The following THSD7B variants were observed in gnomAD, a reference collection of about 807,000 sequenced individuals.
THSD7B encodes the protein thrombospondin type 1 domain containing 7B.
A neutral mutation model predicts 213.6 loss-of-function variants in THSD7B; 138 were observed. That is an observed-to-expected ratio of 0.65 (90% CI 0.56 to 0.74). The LOEUF (loss-of-function observed/expected upper bound fraction) is 0.74. Among genes scored for constraint, THSD7B ranks in the 30% least tolerant of loss-of-function variants. The pLI is 0.00. For synonymous variants in THSD7B, 742 were observed against 687.0 expected, an observed-to-expected ratio of 1.08 and a Z score of -1.25; for missense variants, 1,931 against 1,991.5, an observed-to-expected ratio of 0.97 and a Z score of 0.58.
At chr2:136,811,937 T>A (rs933470327) in intron 1 of THSD7B, among the ~76,000 whole-genome samples, 1 of 152,174 alleles carries the variant, frequency 6.6e-6, no homozygotes, top group Non-Finnish European at 1.5e-5. Context: ...CAGTAGGTAT[T>A]GGATTTTGGG....
chr2:136,923,088 T>C (rs1366851613), intron 2 of THSD7B, among the ~76,000 whole-genome samples: 1 of 152,202 alleles, frequency 6.6e-6, no homozygotes, highest in Non-Finnish European at 1.5e-5. Context: ...TGAAATATTA[T>C]ACCCGTTAAA....
intron 9 of THSD7B, among the ~76,000 whole-genome samples, chr2:137,240,043 G>C (rs1395111039): frequency 2.0e-5 from 3 of 152,142 alleles, no homozygotes; most frequent in African/African-American, 2.4e-5. Context: ...TCTCCTAAAG[G>C]CTCCACCATC....
intron 12 of THSD7B, among the ~76,000 whole-genome samples, chr2:137,375,902 C>G (rs1039983377): frequency 6.6e-6 from 1 of 152,102 alleles, no homozygotes; most frequent in Admixed American, 6.6e-5. Flanking sequence ...TGATTATGTT[C>G]TCATGCAAAG....
intron 1 of THSD7B, among the ~76,000 whole-genome samples, chr2:136,857,116 T>C (rs1253055103): frequency 1.3e-5 from 2 of 152,236 alleles, no homozygotes; most frequent in Non-Finnish European, 2.9e-5. Context: ...TTACCTTTTA[T>C]AAAAATGATT....
At chr2:136,807,829 G>A (rs751201957) in intron 1 of THSD7B, among the ~76,000 whole-genome samples, 7 of 152,082 alleles carry the variant, frequency 4.6e-5, no homozygotes, top group African/African-American at 7.2e-5. Flanking sequence ...AGCTAATCTT[G>A]TATATTTCCT....
intron 2 of THSD7B, among the ~76,000 whole-genome samples, chr2:137,053,852 C>A (rs1434739224): frequency 1.3e-5 from 2 of 152,044 alleles, no homozygotes; most frequent in African/African-American, 4.8e-5. Flanking sequence ...TAACTTTATC[C>A]AATAACTGTT....
intron 9 of THSD7B, among the ~76,000 whole-genome samples, chr2:137,241,262 A>G (rs561446239): frequency 6.6e-6 from 1 of 152,318 alleles, no homozygotes; most frequent in Admixed American, 6.5e-5. Context: ...ACTTATGGGA[A>G]ACAGAATTTA....
chr2:136,992,548 G>T (rs530009915), intron 2 of THSD7B, among the ~76,000 whole-genome samples: 6 of 152,302 alleles, frequency 3.9e-5, no homozygotes, highest in East Asian at 3.9e-4. Flanking sequence ...AATAAACGGA[G>T]AACTATTAAG....
chr2:137,630,786 G>A (rs543771823), intron 20 of THSD7B, among the ~76,000 whole-genome samples: 19 of 152,296 alleles, frequency 1.2e-4, no homozygotes, highest in African/African-American at 4.1e-4. Flanking sequence ...GTAGCAATAG[G>A]CAGAGACCAC....
intron 1 of THSD7B, among the ~76,000 whole-genome samples, chr2:136,809,483 C>T (rs1216504145): frequency 6.6e-6 from 1 of 152,026 alleles, no homozygotes; most frequent in Non-Finnish European, 1.5e-5. Context: ...ATTTAATGTG[C>T]CATGACATCA....
chr2:137,349,073 A>T (rs1184000147), intron 12 of THSD7B, among the ~76,000 whole-genome samples: 1 of 151,508 alleles, frequency 6.6e-6, no homozygotes, highest in Non-Finnish European at 1.5e-5. Flanking sequence ...ATAAATTGGG[A>T]TAAAGTTAGA....
chr2:136,896,298 G>T (rs560625753), intron 2 of THSD7B, among the ~76,000 whole-genome samples: 1 of 152,144 alleles, frequency 6.6e-6, no homozygotes, highest in East Asian at 1.9e-4. Flanking sequence ...CCTCATTGTG[G>T]TTTTAATTTG....
rs1165170331 is a variant in THSD7B, at chr2:137,546,472, A to AT, written c.3139-16748dup. 2.3e-4 allele frequency among the ~76,000 whole-genome samples: 14 copies of AT among 62,150 alleles called. 1 individual carries two copies. The highest frequency in any genetic ancestry group is 1.2e-3 in the Admixed American group (4 of 3,316). The allele number at this position is 62,150 out of a possible 152,430, so 40.8% of individuals were successfully genotyped here. On this transcript the variant is annotated intron_variant, in intron 15 of 27. Transcript: ENST00000409968. ...TATATATATTATATATAATATATAT[A>AT]TATATAATATATATATATATATATT... is the stretch of plus-strand genomic sequence containing the variant.
chr2:137,022,042 G>A (rs769842483), intron 2 of THSD7B, among the ~76,000 whole-genome samples: 15 of 152,096 alleles, frequency 9.9e-5, no homozygotes, highest in Non-Finnish European at 2.1e-4. Context: ...TTTAATTGCT[G>A]AGCAATTAAC....
chr2:137,169,026 T>C (rs112576963), intron 6 of THSD7B, among the ~76,000 whole-genome samples: 1 of 151,984 alleles, frequency 6.6e-6, no homozygotes, highest in Non-Finnish European at 1.5e-5. Context: ...CATTATTATT[T>C]TTTTTTTAAC....
intron 15 of THSD7B, among the ~76,000 whole-genome samples, chr2:137,527,307 A>C (rs941678702): frequency 3.9e-5 from 6 of 152,102 alleles, no homozygotes; most frequent in South Asian, 2.1e-4. Flanking sequence ...ATATGTACAT[A>C]TGTGTGTGTG....
intron 6 of THSD7B, among the ~76,000 whole-genome samples, chr2:137,161,112 G>A (rs781346828): frequency 1.3e-5 from 2 of 151,928 alleles, no homozygotes; most frequent in Non-Finnish European, 2.9e-5. Context: ...ATTGATCTTG[G>A]GCTTAAGGAA....
intron 14 of THSD7B, among the ~76,000 whole-genome samples, chr2:137,416,141 C>T (rs1335322422): frequency 6.6e-6 from 1 of 152,064 alleles, no homozygotes; most frequent in Non-Finnish European, 1.5e-5. Flanking sequence ...TTTTCCTTTC[C>T]TTTTTCTATC....
chr2:136,993,420 G>A (rs1317344943), intron 2 of THSD7B, among the ~76,000 whole-genome samples: 1 of 152,298 alleles, frequency 6.6e-6, no homozygotes, highest in South Asian at 2.1e-4. Flanking sequence ...AAGTGAATGA[G>A]GAAAGAAGCC....
Sources: allele counts gnomAD v4.1 joint callset (sites outside exome capture counted in the v4.1 genomes callset), GRCh38; gene constraint gnomAD v4.1.1; transcripts MANE v1.5; gene names NCBI Gene and HGNC (gene_info 2026-07-23, HGNC 2026-07-21).